Variants in ANKS1B observed in about 807,000 individuals in gnomAD.
ANKS1B encodes ankyrin repeat and sterile alpha motif domain-containing protein 1B.
A neutral mutation model predicts 148.3 loss-of-function variants in ANKS1B; 36 were observed. That is an observed-to-expected ratio of 0.24 (90% CI 0.19 to 0.32). The LOEUF is 0.32. Among genes scored for constraint, ANKS1B ranks in the 10% least tolerant of loss-of-function variants. The pLI, the probability that ANKS1B is intolerant of heterozygous loss-of-function variation, is 1.00. For synonymous variants in ANKS1B, 542 were observed against 560.8 expected (o/e 0.97, Z 0.47); for missense variants, 1,157 against 1,542.6 (o/e 0.75, Z 4.19).
At chr12:98,795,659 C>T (rs1470800969) in intron 22 of ANKS1B, 2 of 450,926 alleles carry the variant, frequency 4.4e-6, no homozygotes, top group Non-Finnish European at 8.9e-6. Context: ...TAAAATAAGC[C>T]ATTTAAAAAG....
chr12:99,073,154 T>C (rs1351599192), intron 16 of ANKS1B, among the ~76,000 whole-genome samples: 1 of 152,198 alleles, frequency 6.6e-6, no homozygotes, highest in African/African-American at 2.4e-5. Flanking sequence ...CCCATTTAAT[T>C]CTACAGAGAA....
At chr12:98,830,019 T>C (rs1451055253) in intron 18 of ANKS1B, among the ~76,000 whole-genome samples, 2 of 152,170 alleles carry the variant, frequency 1.3e-5, no homozygotes, top group African/African-American at 4.8e-5. Context: ...TTCTGGACCT[T>C]CTATGATAGA....
intron 15 of ANKS1B, among the ~76,000 whole-genome samples, chr12:99,148,667 C>A (rs2073979132): frequency 6.6e-6 from 1 of 152,046 alleles, no homozygotes; most frequent in South Asian, 2.1e-4. Flanking sequence ...TAAACTGAAT[C>A]ATAGAGAAAC....
intron 17 of ANKS1B, among the ~76,000 whole-genome samples, chr12:98,911,841 A>T (rs1462661472): frequency 6.6e-6 from 1 of 152,208 alleles, no homozygotes; most frequent in Non-Finnish European, 1.5e-5. Context: ...AGAAATAAGC[A>T]TATAATCATG....
At chr12:99,878,434 G>C (rs1451072656) in intron 1 of ANKS1B, among the ~76,000 whole-genome samples, 1 of 152,176 alleles carries the variant, frequency 6.6e-6, no homozygotes, top group Admixed American at 6.5e-5. Context: ...AATGTGCTTT[G>C]GTGTGCGTCT....
intron 12 of ANKS1B, among the ~76,000 whole-genome samples, chr12:99,278,737 A>G (rs2078013110): frequency 6.6e-6 from 1 of 152,238 alleles, no homozygotes; most frequent in Non-Finnish European, 1.5e-5. Context: ...TTGTAAAATT[A>G]ATATGTAAAT....
chr12:99,414,996 C>T lies in ANKS1B; in HGVS notation c.1576-15185G>A, dbSNP rs1024317088. Among the ~76,000 whole-genome samples, 4 of 152,236 alleles carry T rather than the reference C, an allele frequency of 2.6e-5. No homozygotes were observed. The East Asian group carries it at 5.8e-4, about 22-fold the overall frequency. On this transcript the variant is annotated intron_variant, in intron 11 of 26. Transcript: ENST00000683438. ...GTTTCTTCATACAATGTATTCAAAT[C>T]TTCATTGGAAAGACTGTATACACAC...
intron 8 of ANKS1B, among the ~76,000 whole-genome samples, chr12:99,675,691 C>T (rs1259936219): frequency 6.6e-6 from 1 of 151,628 alleles, no homozygotes; most frequent in East Asian, 1.9e-4. Context: ...TAGATGTGCA[C>T]AAAGATTTTT....
chr12:99,083,377 C>T lies in ANKS1B; in HGVS notation c.2625+1548G>A, dbSNP rs369534519. Among the ~76,000 whole-genome samples the T allele has an allele frequency of 2.0e-5, 3 of 152,092 alleles. No individual in the cohort carries two copies. In the East Asian group the frequency reaches 5.8e-4, roughly 29 times the overall value. ...CCACAGTCTTTTTGCAAACAGATGA[C>T]CCAACTTCAACTTTCCCTCCTTCTA... On this transcript the variant is annotated intron_variant, in intron 16 of 26. Transcript: ENST00000683438.
chr12:98,864,936 T>G (rs1285687822), intron 17 of ANKS1B, among the ~76,000 whole-genome samples: 1 of 152,190 alleles, frequency 6.6e-6, no homozygotes, highest in Admixed American at 6.5e-5. Context: ...AGGATAAACT[T>G]GAAGATACTG....
At chr12:99,536,769 C>T (rs1426555562) in intron 9 of ANKS1B, among the ~76,000 whole-genome samples, 1 of 152,066 alleles carries the variant, frequency 6.6e-6, no homozygotes. Flanking sequence ...TCAAACACTC[C>T]AATCACACTC....
At chr12:99,255,147 A>G (rs1449878183) in intron 12 of ANKS1B, among the ~76,000 whole-genome samples, 1 of 152,146 alleles carries the variant, frequency 6.6e-6, no homozygotes, top group Non-Finnish European at 1.5e-5. Context: ...TTGTGGAAAG[A>G]TTTCAAATTA....
chr12:99,613,713 G>T (rs2097921350), intron 9 of ANKS1B, among the ~76,000 whole-genome samples: 1 of 152,034 alleles, frequency 6.6e-6, no homozygotes, highest in Non-Finnish European at 1.5e-5. Flanking sequence ...GGGGTAGAGG[G>T]TAGGAGGAGG....
chr12:99,872,680 AC>A (rs1209038672), intron 1 of ANKS1B, among the ~76,000 whole-genome samples: 2 of 152,110 alleles, frequency 1.3e-5, no homozygotes, highest in Non-Finnish European at 2.9e-5. Flanking sequence ...GTTTTTGTGT[AC>A]CCTTTTGTAT....
Position 99,247,039 on chromosome 12 carries a change from ATGAG to A in ANKS1B, c.1757-179_1757-176del, listed in dbSNP as rs1023741943. ...ACAGTGCCATGTATAGAATGAATGT[ATGAG>A]TGTGTGTGCGTGTGTATGCATGTGT... On this transcript the variant is annotated intron_variant, in intron 12 of 26. Coordinates refer to ENST00000683438, the MANE Select transcript of ANKS1B (RefSeq NM_001352186.2). 5.9e-5 allele frequency among the ~76,000 whole-genome samples: 9 copies of A among 152,210 alleles called. 1 individual carries two copies. Among genetic ancestry groups the A allele is most frequent in the Admixed American group, 1.3e-4 (2 of 15,274 alleles).
intron 25 of ANKS1B, among the ~76,000 whole-genome samples, chr12:98,761,538 G>A (rs1231928329): frequency 6.6e-6 from 1 of 152,094 alleles, no homozygotes; most frequent in East Asian, 1.9e-4. Flanking sequence ...GTATATTGAT[G>A]CTACAACTTT....
intron 20 of ANKS1B, among the ~76,000 whole-genome samples, chr12:98,802,593 G>GTTTTTT (rs2099012907): frequency 2.8e-5 from 2 of 72,352 alleles, no homozygotes; most frequent in African/African-American, 1.2e-4. Flanking sequence ...TAATGCACAG[G>GTTTTTT]CTTTTTTTTT....
chr12:99,773,058 A>G lies in ANKS1B; in HGVS notation c.992T>C (p.Leu331Pro). 6.2e-7 allele frequency: 1 copy of G among 1,608,196 alleles called. No homozygotes were observed. Among genetic ancestry groups the G allele is most frequent in the Middle Eastern group, 1.7e-4 (1 of 6,024 alleles). The change falls in exon 8 of 27, where the codon CTC becomes CCC. Residue 331 changes from leucine (L) to proline (P), a missense_variant. This residue lies in a region of ANKS1B where 661 missense variants were observed against 642.1 expected (regional missense o/e 1.03). Transcript: ENST00000683438. ...SETVTGELSK[L>P]LDEIKLCQEK... is the part of the protein sequence containing the mutation. ...TTGACAGAGTTTTATTTCATCCAAGAGTTTTGATAATTCTCCAGTGACGGT... is the reference window on the plus strand; with the variant it reads ...TTGACAGAGTTTTATTTCATCCAAGGGTTTTGATAATTCTCCAGTGACGGT...
intron 14 of ANKS1B, among the ~76,000 whole-genome samples, chr12:99,173,751 T>A (rs373814673): frequency 6.6e-6 from 1 of 152,166 alleles, no homozygotes; most frequent in Non-Finnish European, 1.5e-5. Context: ...CATGGACAGT[T>A]ATATTCACCA....
Sources: allele counts gnomAD v4.1 joint callset (sites outside exome capture counted in the v4.1 genomes callset), GRCh38; gene constraint gnomAD v4.1.1; regional missense constraint gnomAD v4.1.1; transcripts MANE v1.5; gene names NCBI Gene and HGNC (gene_info 2026-07-23, HGNC 2026-07-21).